Variants in PREX2 observed in about 807,000 individuals in gnomAD.
The protein encoded by PREX2 is phosphatidylinositol-3,4,5-trisphosphate dependent Rac exchange factor 2.
In PREX2, 107 loss-of-function variants were observed where a neutral mutation model predicts 203.2. The observed-to-expected ratio is 0.53, with a 90% confidence interval of 0.45 to 0.62. PREX2 has a LOEUF of 0.62. Among genes scored for constraint, PREX2 ranks in the 20% least tolerant of loss-of-function variants. The pLI is 0.00. For missense variants in PREX2, 1,777 were observed against 1,955.9 expected (o/e 0.91, Z 1.72); for synonymous variants, 672 against 663.6 (o/e 1.01, Z -0.19).
At chr8:68,135,611 C>T (rs937820868) in intron 32 of PREX2, among the ~76,000 whole-genome samples, 2 of 152,144 alleles carry the variant, frequency 1.3e-5, no homozygotes, top group Non-Finnish European at 2.9e-5. Flanking sequence ...GAAATTTTGT[C>T]ACCCTCCTAA....
chr8:68,107,586 G>T (rs560239480), intron 23 of PREX2, among the ~76,000 whole-genome samples: 1 of 152,310 alleles, frequency 6.6e-6, no homozygotes, highest in South Asian at 2.1e-4. Flanking sequence ...GACTTGTCCT[G>T]CCATTCTGGG....
chr8:68,214,026 A>G (rs1812788925), intron 37 of PREX2, among the ~76,000 whole-genome samples: 1 of 152,192 alleles, frequency 6.6e-6, no homozygotes, highest in African/African-American at 2.4e-5. Flanking sequence ...CAGGTGGGGT[A>G]AAAATACAGA....
intron 1 of PREX2, among the ~76,000 whole-genome samples, chr8:67,961,643 AT>A (rs775030611): frequency 4.6e-5 from 7 of 152,166 alleles, no homozygotes; most frequent in African/African-American, 1.4e-4. Context: ...GCTTAAAAAA[AT>A]ATTCCCCCAT....
At chr8:68,160,427 A>G (rs1306783288) in intron 35 of PREX2, among the ~76,000 whole-genome samples, 1 of 152,122 alleles carries the variant, frequency 6.6e-6, no homozygotes, top group East Asian at 1.9e-4. Flanking sequence ...GATAACATAT[A>G]TCAAGGCAAA....
At position 67,952,507 on chromosome 8, in the gene PREX2, A is replaced by G. The variant is rs753717348; in HGVS notation, c.113A>G (p.Tyr38Cys). Reference sequence around the variant, plus strand: ...GAGCTCCAGAAGACCGAGCGGGACTATGTGGGCACGCTGGAGTTCCTGGTG... The same window carrying G: ...GAGCTCCAGAAGACCGAGCGGGACTGTGTGGGCACGCTGGAGTTCCTGGTG... ...LSELQKTERD[Y>C]VGTLEFLVSA... The change falls in exon 1 of 40, where the codon TAT (tyrosine) becomes TGT (cysteine). Residue 38 changes from tyrosine (Y) to cysteine (C), a missense_variant. Transcript: ENST00000288368. The G allele has an allele frequency of 3.1e-6, 5 of 1,610,246 alleles. No individual in the cohort carries two copies. Among genetic ancestry groups the G allele is most frequent in the Non-Finnish European group, 4.2e-6 (5 of 1,178,358 alleles).
chr8:68,013,706 C>T (rs1807330945), intron 1 of PREX2, among the ~76,000 whole-genome samples: 1 of 152,084 alleles, frequency 6.6e-6, no homozygotes, highest in Non-Finnish European at 1.5e-5. Context: ...GAAATTAGCA[C>T]AGTCTTTTTT....
intron 1 of PREX2, among the ~76,000 whole-genome samples, chr8:67,969,120 G>A (rs1805855038): frequency 6.6e-6 from 1 of 152,178 alleles, no homozygotes; most frequent in African/African-American, 2.4e-5. Flanking sequence ...GAGGCCCTGA[G>A]TGCTGACAGT....
At chr8:68,128,875 A>T in intron 31 of PREX2, among the ~76,000 whole-genome samples, 1 of 152,244 alleles carries the variant, frequency 6.6e-6, no homozygotes, top group Middle Eastern at 3.2e-3. Context: ...ATTTTAAATT[A>T]TGAATGGACC....
At chr8:68,115,986 G>A (rs1022795493) in intron 26 of PREX2, 54 bp downstream of exon 26, 24 of 1,438,698 alleles carry the variant, frequency 1.7e-5, no homozygotes, top group Non-Finnish European at 2.2e-5. Context: ...ATATGATGCT[G>A]GATTTTCCAC....
chr8:67,975,272 G>GTTTT lies in PREX2; in HGVS notation c.141+22761_141+22764dup, dbSNP rs75276095. Among the ~76,000 whole-genome samples the GTTTT allele has an allele frequency of 6.8e-4, 66 of 96,820 alleles. 5 individuals carry two copies. Among genetic ancestry groups the GTTTT allele is most frequent in the African/African-American group, 2.1e-3 (46 of 22,198 alleles). The allele number at this position is 96,820 out of a possible 152,430, so 63.5% of individuals were successfully genotyped here. ...GGCTGATGTTACCTGCACACGGCCT[G>GTTTT]TTTTTTTTTTTTTTTTTTTTTTTTT... On this transcript the variant is annotated intron_variant, in intron 1 of 39. Coordinates refer to ENST00000288368, the MANE Select transcript of PREX2 (RefSeq NM_024870.4).
chr8:68,192,944 C>T (rs536933337), intron 37 of PREX2, among the ~76,000 whole-genome samples: 1 of 152,288 alleles, frequency 6.6e-6, no homozygotes, highest in Admixed American at 6.5e-5. Context: ...CTAGATGCTG[C>T]TTGGAGTTGC....
chr8:68,007,733 C>T (rs767081664), intron 1 of PREX2, among the ~76,000 whole-genome samples: 6 of 152,142 alleles, frequency 3.9e-5, no homozygotes, highest in South Asian at 2.1e-4. Flanking sequence ...CCTCAGCCTC[C>T]TGAGTAGCTG....
chr8:68,068,669 G>A (rs1050919603), intron 11 of PREX2, among the ~76,000 whole-genome samples: 4 of 151,918 alleles, frequency 2.6e-5, no homozygotes, highest in African/African-American at 9.7e-5. Flanking sequence ...CAGCTTTGTA[G>A]CATTGTGAAG....
chr8:68,220,710 T>G (rs530478180), intron 38 of PREX2, among the ~76,000 whole-genome samples: 1 of 152,266 alleles, frequency 6.6e-6, no homozygotes, highest in African/African-American at 2.4e-5. Context: ...GGGATAAGTC[T>G]TACTCATTTT....
intron 13 of PREX2, 37 bp from the exon 14 acceptor site, chr8:68,072,458 G>A (rs1219639387): frequency 8.1e-7 from 1 of 1,227,576 alleles, no homozygotes; most frequent in South Asian, 1.3e-5. Flanking sequence ...CTTAATTTTT[G>A]TTTTTTGTTT....
At chr8:68,045,041 G>A (rs1197747410) in intron 8 of PREX2, among the ~76,000 whole-genome samples, 3 of 151,958 alleles carry the variant, frequency 2.0e-5, no homozygotes, top group Non-Finnish European at 4.4e-5. Context: ...CAATTTTCTT[G>A]TAAGCAAATT....
rs1377941532 is a variant in PREX2 at position 68,204,440 on chromosome 8, G to C, written c.4604+11915G>C. ...AACAGAAAGTCCCATTATCTTTAAT[G>C]AGAATTTCATGGCTAATTCCCTGTG... On this transcript the variant is annotated intron_variant, in intron 37 of 39. Transcript: ENST00000288368. Among the ~76,000 whole-genome samples the C allele has an allele frequency of 2.0e-5, 3 of 152,220 alleles. No individual in the cohort carries two copies. In the East Asian group the frequency reaches 5.8e-4, roughly 29 times the overall value.
At chr8:68,155,783 T>G (rs572289452) in intron 34 of PREX2, among the ~76,000 whole-genome samples, 1 of 152,156 alleles carries the variant, frequency 6.6e-6, no homozygotes, top group Non-Finnish European at 1.5e-5. Flanking sequence ...CTGTGATTTA[T>G]TTCCTCTCCA....
chr8:68,169,590 A>G (rs1209569313), intron 35 of PREX2, among the ~76,000 whole-genome samples: 4 of 152,174 alleles, frequency 2.6e-5, no homozygotes, highest in Non-Finnish European at 4.4e-5. Flanking sequence ...TTGAAAACCC[A>G]GTGAATTCCA....
Sources: allele counts gnomAD v4.1 joint callset (sites outside exome capture counted in the v4.1 genomes callset), GRCh38; gene constraint gnomAD v4.1.1; transcripts MANE v1.5; gene names NCBI Gene and HGNC (gene_info 2026-07-23, HGNC 2026-07-21).